PASK: variants seen among roughly 807,000 people sequenced by gnomAD.
The protein encoded by PASK is PAS domain-containing serine/threonine-protein kinase.
Under a neutral mutation model 121.0 loss-of-function variants are expected in PASK, and 110 were observed. The observed-to-expected ratio is 0.91, with a 90% CI of 0.78 to 1.06. PASK has a LOEUF of 1.06. Among genes scored for constraint, PASK ranks in the 50% least tolerant of loss-of-function variants. The pLI is 0.00. For missense variants in PASK, 1,643 were observed against 1,702.3 expected, an observed-to-expected ratio of 0.97 and a Z score of 0.61; for synonymous variants, 686 against 717.8, an observed-to-expected ratio of 0.96 and a Z score of 0.71.
At chr2:241,143,215 TG>T (rs2066794505) in intron 1 of PASK, 141 bp from the exon 2 acceptor site, 1 of 650,640 alleles carries the variant, frequency 1.5e-6, no homozygotes, top group Admixed American at 2.2e-5. Context: ...GAACCCGCAA[TG>T]GGAGAATGGT....
chr2:241,117,251 G>C lies in PASK; in HGVS notation c.3073-1838C>G, dbSNP rs184110393. On this transcript the variant is annotated intron_variant, in intron 12 of 17. Transcript: ENST00000234040. The stretch of plus-strand genomic sequence containing the variant: ...GAGGTGAAAGGAGACAAATTCTGAA[G>C]ACCCTTTGACGGGAGGGTCACTATG... 3.9e-5 allele frequency among the ~76,000 whole-genome samples: 6 copies of C among 152,364 alleles called. No individual in the cohort carries two copies. The East Asian group carries it at 1.2e-3, about 29-fold the overall frequency.
At position 241,127,359 on chromosome 2, in the gene PASK, G is replaced by A. The variant is rs370786709; in HGVS notation, c.1556C>T (p.Pro519Leu). The stretch of plus-strand genomic sequence containing the variant: ...CTGTCCGGGGCTCTCTATTGCCACA[G>A]GTTCCTCTCTCCCCAAGGCAGTGAT... ...QQITALGREE[P>L]VAIESPGQDL... Residue 519 changes from proline (P) to leucine (L), a missense_variant, in exon 10 of 18, where the codon CCT (proline) becomes CTT (leucine). Transcript: ENST00000234040. The A allele has an allele frequency of 2.8e-5, 46 of 1,614,038 alleles. No individual in the cohort carries two copies. The highest frequency in any genetic ancestry group is 3.9e-5 in the Non-Finnish European group (46 of 1,180,006).
Position 241,142,877 on chromosome 2 carries a change from A to G in PASK, c.156T>C (p.Asn52=). ...TGCTCTGGCAGAGTCTGGAAAGCCCATTCCTTCTGCTCAGGTGTCTGTGGG... is the reference window on the plus strand; with the variant it reads ...TGCTCTGGCAGAGTCTGGAAAGCCCGTTCCTTCTGCTCAGGTGTCTGTGGG... The part of the protein sequence containing the change: ...SSAHRHLSRR[N]GLSRLCQSRT... The change falls in exon 2 of 18, where the codon AAT becomes AAC. Residue 52 remains asparagine (N), a synonymous_variant. Coordinates refer to ENST00000234040, the MANE Select transcript of PASK (RefSeq NM_015148.4). 1.2e-6 allele frequency: 2 copies of G among 1,614,074 alleles called. No individual in the cohort carries two copies. The highest frequency in any genetic ancestry group is 2.2e-5 in the South Asian group (2 of 91,082).
rs181118915 is a variant in PASK, at chr2:241,113,049, C to T, written c.3334-610G>A. On this transcript the variant is annotated intron_variant, in intron 14 of 17. Coordinates refer to ENST00000234040, the MANE Select transcript of PASK (RefSeq NM_015148.4). ...AGACTTAAAGCAGTTACACTGGAAA[C>T]GGGCTTCGTTCCCACGGAGGTGCAG... 6.6e-5 allele frequency among the ~76,000 whole-genome samples: 10 copies of T among 152,318 alleles called. No homozygotes were observed. The East Asian group carries it at 1.5e-3, about 23-fold the overall frequency.
rs898822217 is a variant in PASK at position 241,114,184 on chromosome 2, GGA to G, written c.3333+857_3333+858del. 9.5e-5 allele frequency: 93 copies of G among 975,800 alleles called. No homozygotes were observed. In the African/African-American group the frequency reaches 1.4e-3, roughly 15 times the overall value. The allele number at this position is 975,800 out of a possible 1,614,324, so 60.4% of individuals were successfully genotyped here. On this transcript the variant is annotated intron_variant, in intron 14 of 17. Coordinates refer to ENST00000234040, the MANE Select transcript of PASK (RefSeq NM_015148.4). ...ACGTCACCTTCCAACACAGGAAGAGGGAGAGAGGTGACCCTTTTTTGCAGAAC... is the reference window on the plus strand; with the variant it reads ...ACGTCACCTTCCAACACAGGAAGAGGGAGAGGTGACCCTTTTTTGCAGAAC...
chr2:241,133,256 C>T lies in PASK; in HGVS notation c.1307-226G>A, dbSNP rs978524131. The T allele has an allele frequency of 1.8e-5, 11 of 603,642 alleles. No individual in the cohort carries two copies. In the African/African-American group the frequency reaches 2.0e-4, roughly 11 times the overall value. 37.4% of individuals were successfully genotyped at this position (603,642 alleles called of 1,614,324 possible). On this transcript the variant is annotated intron_variant, in intron 8 of 17. Transcript: ENST00000234040. The stretch of plus-strand genomic sequence containing the variant: ...CAGCCAGCTACCATGATCCTATTAA[C>T]ACCCAAGTCAGAGCACGGCACTCAC...
In PASK at chr2:241,106,666, AC is replaced by A. The variant is rs1559349549; in HGVS notation, c.3871del (p.Val1291TrpfsTer31). 3 of 1,614,202 alleles carry A rather than the reference AC, an allele frequency of 1.9e-6. No individual in the cohort carries two copies. The highest frequency in any genetic ancestry group is 1.7e-6 in the Non-Finnish European group (2 of 1,179,992). ...LEMGNRSLSD[V>X]AQAQELCGGP... is the part of the protein sequence containing the mutation. ...CCCACAAAGCTCCTGAGCCTGGGCC[AC>A]ATCACTCAGGCTCCTGTTCCCCATC... is the stretch of plus-strand genomic sequence containing the variant. On this transcript the variant is annotated frameshift_variant, in exon 18 of 18. Transcript: ENST00000234040. LOFTEE classifies it low-confidence loss of function (END_TRUNC).
In PASK at chr2:241,112,240, G is replaced by A. The variant is rs746793482; in HGVS notation, c.3533C>T (p.Pro1178Leu). The A allele has an allele frequency of 2.7e-5, 43 of 1,611,518 alleles. 1 individual carries two copies. The highest frequency in any genetic ancestry group is 6.7e-5 in the Admixed American group (4 of 59,996). Residue 1178 changes from proline to leucine, a missense_variant and splice_region_variant, in exon 15 of 18, where the codon CCC (proline) becomes CTC (leucine). Physicochemically the swap from Pro to Leu is moderately conservative, Grantham distance 98. Transcript: ENST00000234040. This position sits in a 1 kb window ranked among gnomAD's most constrained non-coding sequence, Gnocchi z 5.2. ...YCAPEVLMGN[P>L]YRGPELEMWS... Reference sequence around the variant, plus strand: ...GGCCGCACCGCAGCCGCATACGTACGGATTCCCCATGAGAACTTCCGGTGC... The same window carrying A: ...GGCCGCACCGCAGCCGCATACGTACAGATTCCCCATGAGAACTTCCGGTGC...
At chr2:241,147,259 A>G (rs2066997893) in intron 1 of PASK, among the ~76,000 whole-genome samples, 1 of 152,238 alleles carries the variant, frequency 6.6e-6, no homozygotes, top group Non-Finnish European at 1.5e-5. Flanking sequence ...ACTTTCTTAA[A>G]AAAGTAATAT....
At chr2:241,123,221 G>T (rs1187126322) in intron 11 of PASK, among the ~76,000 whole-genome samples, 1 of 150,026 alleles carries the variant, frequency 6.7e-6, no homozygotes, top group East Asian at 2.0e-4. Flanking sequence ...TGTCGCCCAG[G>T]CTGGAGTGCA....
In PASK at chr2:241,137,108, T is replaced by C. The variant is rs753770204; in HGVS notation, c.1033A>G (p.Ile345Val). ...YRASVWVFCT[I>V]SGLITLLPDG... ...GGCAGGAGGGTGATGAGGCCACTGA[T>C]GGTGCAGAACACCCAGACAGATGCC... The change falls in exon 7 of 18, where the codon ATC becomes GTC. Residue 345 changes from isoleucine to valine, a missense_variant. Physicochemically the swap from Ile to Val is conservative, Grantham distance 29. This residue lies in a region of PASK where 1,176 missense variants were observed against 1,162.2 expected (regional missense o/e 1.01). Transcript: ENST00000234040. 39 of 1,613,608 alleles carry C rather than the reference T, an allele frequency of 2.4e-5. No homozygotes were observed. The highest frequency in any genetic ancestry group is 3.3e-5 in the Non-Finnish European group (39 of 1,179,922).
chr2:241,123,634 C>A (rs1196772306), intron 11 of PASK, among the ~76,000 whole-genome samples: 2 of 151,988 alleles, frequency 1.3e-5, no homozygotes, highest in Admixed American at 6.5e-5. Context: ...GCCTTGCCAA[C>A]ATGGAGAAAC....
At chr2:241,150,165 G>A, upstream of PASK, 1 of 1,270,986 alleles carries the variant, frequency 7.9e-7, no homozygotes, top group Non-Finnish European at 9.9e-7. Context: ...CTCAAGCCCA[G>A]GGCGTCTCTC....
Position 241,106,216 on chromosome 2 carries a change from T to C in PASK, c.*350A>G, listed in dbSNP as rs16843277. On this transcript the variant is annotated 3_prime_UTR_variant, in exon 18 of 18. Coordinates refer to ENST00000234040, the MANE Select transcript of PASK (RefSeq NM_015148.4). Reference sequence around the variant, plus strand: ...AAATTTCACATATCCGTCACTCAGATGAGCATATACCAAGTCAGAGGAAAC... The same window carrying C: ...AAATTTCACATATCCGTCACTCAGACGAGCATATACCAAGTCAGAGGAAAC... 6,130 of 317,070 alleles carry C rather than the reference T, an allele frequency of 0.019. 359 individuals carry two copies. The highest frequency in any genetic ancestry group is 0.12 in the African/African-American group (5,729 of 46,224). 19.6% of individuals were successfully genotyped at this position (317,070 alleles called of 1,614,324 possible). A position where few individuals can be genotyped will look rare whatever the true frequency, so the allele number is the denominator to read the frequency against.
intron 7 of PASK, among the ~76,000 whole-genome samples, chr2:241,136,578 GT>G (rs2066446287): frequency 6.6e-6 from 1 of 152,188 alleles, no homozygotes; most frequent in Non-Finnish European, 1.5e-5. Flanking sequence ...TCCCTGCAAG[GT>G]CTCAATGCCC....
At position 241,138,618 on chromosome 2, in the gene PASK, G is replaced by A. The variant is rs774884549; in HGVS notation, c.741+36C>T. 4 of 1,612,368 alleles carry A rather than the reference G, an allele frequency of 2.5e-6. No individual in the cohort carries two copies. The Middle Eastern group carries it at 5.0e-4, about 200-fold the overall frequency. On this transcript the variant is annotated intron_variant, in intron 5 of 17. Transcript: ENST00000234040. ...GAAGAGGAGAACGACGCCGGCTCCA[G>A]CGTCCATGAGACATGAGGCAAAGTT...
intron 12 of PASK, among the ~76,000 whole-genome samples, chr2:241,116,852 GA>G (rs2065393814): frequency 6.6e-6 from 1 of 152,092 alleles, no homozygotes. Flanking sequence ...GTGTCAGGAA[GA>G]GATGCTGAGT....
At chr2:241,147,862 C>T (rs2067033561) in intron 1 of PASK, among the ~76,000 whole-genome samples, 1 of 152,096 alleles carries the variant, frequency 6.6e-6, no homozygotes, top group Non-Finnish European at 1.5e-5. Context: ...TGATGGGACC[C>T]TCTGCGGGAG....
chr2:241,145,139 T>A (rs570501325), intron 1 of PASK, among the ~76,000 whole-genome samples: 147 of 152,270 alleles, frequency 9.7e-4, no homozygotes, highest in African/African-American at 3.4e-3. Flanking sequence ...GGTCTCGATC[T>A]CCTGACCTCG....
Sources: allele counts gnomAD v4.1 joint callset (sites outside exome capture counted in the v4.1 genomes callset), GRCh38; gene constraint gnomAD v4.1.1; regional missense constraint gnomAD v4.1.1; non-coding constraint Gnocchi (gnomAD v3.1); transcripts MANE v1.5; gene names NCBI Gene and HGNC (gene_info 2026-07-23, HGNC 2026-07-21).